Variants in NKAP observed in about 807,000 individuals in gnomAD.
The protein encoded by NKAP is NF-kappa-B-activating protein.
NKAP carries 4 observed loss-of-function variants against 35.6 expected under a neutral mutation model. That is an observed-to-expected ratio of 0.11 (90% CI 0.06 to 0.26). The LOEUF (loss-of-function observed/expected upper bound fraction) is 0.26, where lower values mean the gene tolerates loss of function less well. NKAP is among the 10% of genes least tolerant of loss of function. NKAP has a pLI of 1.00. For missense variants in NKAP, 238 were observed against 321.9 expected (o/e 0.74, Z 1.99); for synonymous variants, 106 against 119.2 (o/e 0.89, Z 0.72).
intron 7 of NKAP, among the ~76,000 whole-genome samples, chrX:119,931,241 C>T (rs757911417): frequency 2.4e-4 from 27 of 111,396 alleles, no homozygotes; most frequent in Non-Finnish European, 4.5e-4. Flanking sequence ...CGGTGGCTCA[C>T]GCCTGTAATC....
intron 1 of NKAP, among the ~76,000 whole-genome samples, chrX:119,939,553 C>T (rs1338541688): frequency 9.0e-6 from 1 of 111,572 alleles, no homozygotes; most frequent in Non-Finnish European, 1.9e-5. Context: ...GGATTACAGG[C>T]GTGAGCCACT....
chrX:119,927,126 T>C (rs1476843801), intron 8 of NKAP, among the ~76,000 whole-genome samples: 1 of 102,834 alleles, frequency 9.7e-6, no homozygotes, highest in Non-Finnish European at 2.0e-5. Flanking sequence ...TTTTTATCAG[T>C]GGATTTAACT....
rs149796824 is a variant in NKAP, at chrX:119,930,150, C to T, written c.939G>A (p.Leu313=). Reference sequence around the variant, plus strand: ...CCATAGCTGCACCTTCACCAGGTAACAGAGCATGGCCATAGCTACAAAGTA... The same window carrying T: ...CCATAGCTGCACCTTCACCAGGTAATAGAGCATGGCCATAGCTACAAAGTA... The part of the protein sequence containing the change: ...DDKPLNYGHA[L]LPGEGAAMAE... The change falls in exon 8 of 9, where the codon CTG becomes CTA. Residue 313 remains leucine, a synonymous_variant. Transcript: ENST00000371410. 152 of 1,196,533 alleles carry T rather than the reference C, an allele frequency of 1.3e-4. 2 individuals carry two copies. The highest frequency in any genetic ancestry group is 9.8e-4 in the South Asian group (53 of 53,979).
intron 4 of NKAP, among the ~76,000 whole-genome samples, chrX:119,935,687 G>A (rs1374859102): frequency 9.0e-6 from 1 of 111,487 alleles, no homozygotes; most frequent in Non-Finnish European, 1.9e-5. Flanking sequence ...AGAGGAAGGT[G>A]AATCTTTGTG....
intron 8 of NKAP, among the ~76,000 whole-genome samples, chrX:119,927,748 T>A: frequency 8.9e-6 from 1 of 112,878 alleles, no homozygotes; most frequent in South Asian, 3.6e-4. Flanking sequence ...CTTACCTTCC[T>A]GCTCTTCTTT....
In NKAP at chrX:119,943,549, T is replaced by TC. The variant is rs1281704384; in HGVS notation, c.56dup (p.Arg20LysfsTer62). On this transcript the variant is annotated frameshift_variant, in exon 1 of 9. Coordinates refer to ENST00000371410, the MANE Select transcript of NKAP (RefSeq NM_024528.4). LOFTEE classifies it high-confidence loss of function. ...GACTCTTCGACGAACTGCGACGTCT[T>TC]CCCCCCGAGCCCGAGGCCTCCCTAT... The TC allele has an allele frequency of 8.3e-7, 1 of 1,203,237 alleles. No homozygotes were observed.
At chrX:119,939,435 C>T (rs140961252) in intron 1 of NKAP, among the ~76,000 whole-genome samples, 3,300 of 110,421 alleles carry the variant, frequency 0.03, 70 homozygotes, top group Middle Eastern at 0.047. Flanking sequence ...TACAGGCATG[C>T]GCCATCACGC....
rs964100686 is a variant in NKAP, at chrX:119,923,465, T to C, written c.*1755A>G. ...TTTAATATCATTTTAGTTTCTCTTA[T>C]GAAACAATTAAGCTAAAATACTGAC... is the stretch of plus-strand genomic sequence containing the variant. On this transcript the variant is annotated 3_prime_UTR_variant, in exon 9 of 9. Coordinates refer to ENST00000371410, the MANE Select transcript of NKAP (RefSeq NM_024528.4). The C allele has an allele frequency of 3.6e-5, 4 of 112,285 alleles. No homozygotes were observed. Among genetic ancestry groups the C allele is most frequent in the African/African-American group, 9.7e-5 (3 of 30,988 alleles). The allele number at this position is 112,285 out of a possible 1,213,427, so 9.3% of individuals were successfully genotyped here.
At chrX:119,928,787 C>T (rs2056727393) in intron 8 of NKAP, among the ~76,000 whole-genome samples, 1 of 111,758 alleles carries the variant, frequency 8.9e-6, no homozygotes, top group Non-Finnish European at 1.9e-5. Context: ...TCTTGAACTC[C>T]TGACCTCAGG....
rs1190440752 is a variant in NKAP at position 119,943,625 on chromosome X, C to A, written c.-20G>T. The A allele has an allele frequency of 3.5e-6, 4 of 1,153,673 alleles. No homozygotes were observed. Among genetic ancestry groups the A allele is most frequent in the Non-Finnish European group, 4.6e-6 (4 of 868,618 alleles). On this transcript the variant is annotated 5_prime_UTR_variant, in exon 1 of 9. Coordinates refer to ENST00000371410, the MANE Select transcript of NKAP (RefSeq NM_024528.4). ...AGCCATGGCTACTGGGGGGCCCCAG[C>A]AGCCGTGGGACAAGGGGGCGCTCTC...
intron 1 of NKAP, among the ~76,000 whole-genome samples, chrX:119,939,320 T>C (rs1347606149): frequency 8.9e-6 from 1 of 112,343 alleles, no homozygotes; most frequent in Non-Finnish European, 1.9e-5. Context: ...GGAGTCTCGC[T>C]CTGTCGCCCA....
intron 8 of NKAP, among the ~76,000 whole-genome samples, chrX:119,926,266 T>C (rs1210485351): frequency 3.7e-5 from 4 of 107,696 alleles, no homozygotes; most frequent in African/African-American, 1.4e-4. Flanking sequence ...TATCCTTTTT[T>C]CTTTTCTCCT....
intron 1 of NKAP, 86 bp from the exon 2 acceptor site, chrX:119,938,896 G>A (rs1176498161): frequency 2.9e-6 from 2 of 679,112 alleles, no homozygotes; most frequent in Admixed American, 6.5e-5. Flanking sequence ...GTCTAGTTAA[G>A]CCTTTTTTCC....
At position 119,931,925 on chromosome X, in the gene NKAP, C is replaced by T. The variant is rs1345408407; in HGVS notation, c.923+11G>A. On this transcript the variant is annotated intron_variant, in intron 7 of 8. Coordinates refer to ENST00000371410, the MANE Select transcript of NKAP (RefSeq NM_024528.4). Reference sequence around the variant, plus strand: ...AGGTACTTTAGATATTATAAACACACTGCTGCTTACTTCAAAGGTTTATCA... The same window carrying T: ...AGGTACTTTAGATATTATAAACACATTGCTGCTTACTTCAAAGGTTTATCA... 3.5e-6 allele frequency: 4 copies of T among 1,158,614 alleles called. No homozygotes were observed. The highest frequency in any genetic ancestry group is 4.7e-6 in the Non-Finnish European group (4 of 859,144).
At chrX:119,929,178 G>A (rs922126135) in intron 8 of NKAP, among the ~76,000 whole-genome samples, 15 of 112,062 alleles carry the variant, frequency 1.3e-4, no homozygotes, top group African/African-American at 4.2e-4. Context: ...TTACAGGCAT[G>A]AGCCACCGTG....
chrX:119,943,700 C>T lies in NKAP; in HGVS notation c.-95G>A. On this transcript the variant is annotated 5_prime_UTR_variant, in exon 1 of 9. Transcript: ENST00000371410. ...CCTTGGTTCCCGGGACCTGCCGCTG[C>T]GGAACAGCCCAAATCTGAGGAAACC... The T allele has an allele frequency of 1.6e-5, 16 of 975,408 alleles. No homozygotes were observed. Among genetic ancestry groups the T allele is most frequent in the Non-Finnish European group, 2.2e-5 (16 of 733,770 alleles). 80.4% of individuals were successfully genotyped at this position (975,408 alleles called of 1,213,427 possible).
Position 119,923,951 on chromosome X carries a change from T to A in NKAP, c.*1269A>T, listed in dbSNP as rs2056697836. ...CCTGGGCAACAAGAGCGAGATTCCA[T>A]CTCAAAAAAAACAATTTAAAATATC... is the stretch of plus-strand genomic sequence containing the variant. On this transcript the variant is annotated 3_prime_UTR_variant, in exon 9 of 9. Coordinates refer to ENST00000371410, the MANE Select transcript of NKAP (RefSeq NM_024528.4). 9.6e-6 allele frequency: 1 copy of A among 104,162 alleles called. No individual in the cohort carries two copies. The highest frequency in any genetic ancestry group is 4.0e-5 in the African/African-American group (1 of 25,007). The allele number at this position is 104,162 out of a possible 1,213,427, so 8.6% of individuals were successfully genotyped here.
At chrX:119,925,922 C>T (rs867616615) in intron 8 of NKAP, among the ~76,000 whole-genome samples, 2 of 38,566 alleles carry the variant, frequency 5.2e-5, no homozygotes, top group African/African-American at 2.0e-4. Flanking sequence ...AAATGTTATC[C>T]TTTTTTCTTT....
chrX:119,934,266 C>G (rs2056755018), intron 5 of NKAP, among the ~76,000 whole-genome samples: 2 of 107,425 alleles, frequency 1.9e-5, no homozygotes, highest in Non-Finnish European at 3.8e-5. Context: ...AGCCCCATCT[C>G]TACTAAAAAC....
Sources: allele counts gnomAD v4.1 joint callset (sites outside exome capture counted in the v4.1 genomes callset), GRCh38; gene constraint gnomAD v4.1.1; transcripts MANE v1.5; gene names NCBI Gene and HGNC (gene_info 2026-07-23, HGNC 2026-07-21).